ALPK2: variants seen among roughly 807,000 people sequenced by gnomAD.
ALPK2 encodes the protein alpha-protein kinase 2.
In ALPK2, 127 loss-of-function variants were observed where a neutral mutation model predicts 163.1. The ratio of observed to expected loss-of-function variants is 0.78; its 90% CI spans 0.67 to 0.90. ALPK2 has a LOEUF of 0.90. ALPK2 is among the 40% of genes least tolerant of loss of function. The pLI is 0.00. For synonymous variants in ALPK2, 953 were observed against 959.1 expected (o/e 0.99, Z 0.12); for missense variants, 2,360 against 2,589.6 (o/e 0.91, Z 1.92).
At chr18:58,613,419 G>T (rs1340462554) in intron 1 of ALPK2, among the ~76,000 whole-genome samples, 1 of 152,160 alleles carries the variant, frequency 6.6e-6, no homozygotes, top group Admixed American at 6.5e-5. Context: ...ACCTGGCCCG[G>T]CATGGTGGCT....
chr18:58,537,773 T>A lies in ALPK2; in HGVS notation c.2414A>T (p.Glu805Val). ...TCCTTGGTCACCAGCCTCAAAACAC[T>A]CCATTGCACACACTGCTTCTCTGTC... ...PRDREAVCAM[E>V]CFEAGDQGTC... The change falls in exon 5 of 13, where the codon GAG (glutamate) becomes GTG (valine). Residue 805 changes from glutamate (E) to valine (V), a missense_variant. Glu to Val is a moderately radical substitution (Grantham distance 121). Transcript: ENST00000361673. The A allele has an allele frequency of 6.2e-7, 1 of 1,614,116 alleles. No individual in the cohort carries two copies. The highest frequency in any genetic ancestry group is 8.5e-7 in the Non-Finnish European group (1 of 1,180,004).
In ALPK2 at chr18:58,580,407, C is replaced by A. The variant is rs774741451; in HGVS notation, c.369G>T (p.Arg123Ser). The A allele has an allele frequency of 6.2e-6, 10 of 1,614,140 alleles. No homozygotes were observed. The South Asian group carries it at 9.9e-5, about 16-fold the overall frequency. Residue 123 changes from arginine (R) to serine (S), a missense_variant, in exon 4 of 13, where the codon AGG becomes AGT. By Grantham distance (110) the Arg-to-Ser change is moderately radical (BLOSUM62 -1). Coordinates refer to ENST00000361673, the MANE Select transcript of ALPK2 (RefSeq NM_052947.4). Reference protein sequence around the residue: ...LSPNLEDDRDRGWKHETGTHE... With the variant: ...LSPNLEDDRDSGWKHETGTHE... ...GTGTCCCTGTTTCATGTTTCCAACC[C>A]CTGTCCCTGTCATCTTCCAGGTTAG...
intron 12 of ALPK2, among the ~76,000 whole-genome samples, chr18:58,483,130 C>G (rs2144091175): frequency 6.6e-6 from 1 of 152,304 alleles, no homozygotes; most frequent in East Asian, 1.9e-4. Flanking sequence ...GTCCAAGGGT[C>G]CTCCTTGTCA....
At chr18:58,533,248 G>A (rs1253790569) in intron 5 of ALPK2, among the ~76,000 whole-genome samples, 1 of 152,078 alleles carries the variant, frequency 6.6e-6, no homozygotes, top group Non-Finnish European at 1.5e-5. Context: ...CTGCCTATCT[G>A]GACAGTCCTC....
At position 58,536,647 on chromosome 18, in the gene ALPK2, C is replaced by CCT. The variant is rs773956833; in HGVS notation, c.3538_3539dup (p.Glu1181GlyfsTer29). 6.2e-7 allele frequency: 1 copy of CCT among 1,614,192 alleles called. No individual in the cohort carries two copies. Among genetic ancestry groups the CCT allele is most frequent in the Non-Finnish European group, 8.5e-7 (1 of 1,180,026 alleles). On this transcript the variant is annotated frameshift_variant, in exon 5 of 13. Transcript: ENST00000361673. ...AACCTGAGCGCTGCCCTGCTCCTTC[C>CCT]CTAGAGCTTGCGGGTGAGTGGGCCG... is the stretch of plus-strand genomic sequence containing the variant.
chr18:58,519,835 C>A (rs1322160997), intron 8 of ALPK2, among the ~76,000 whole-genome samples: 3 of 152,206 alleles, frequency 2.0e-5, no homozygotes, highest in Non-Finnish European at 2.9e-5. Context: ...CCAAAACTGT[C>A]TTCCTCAGCG....
At chr18:58,489,071 C>T (rs919430927) in intron 12 of ALPK2, among the ~76,000 whole-genome samples, 2 of 152,100 alleles carry the variant, frequency 1.3e-5, no homozygotes, top group African/African-American at 2.4e-5. Flanking sequence ...CACATCTCAG[C>T]GGGAGGAAGT....
At chr18:58,529,305 A>C in intron 5 of ALPK2, 67 bp from the exon 6 acceptor site, 318 of 1,423,020 alleles carry the variant, frequency 2.2e-4, no homozygotes, top group Non-Finnish European at 2.8e-4. Flanking sequence ...TTTAATTCTC[A>C]TAACAATCCT....
At chr18:58,543,467 T>C (rs1380460566) in intron 4 of ALPK2, 2 of 911,238 alleles carry the variant, frequency 2.2e-6, no homozygotes, top group African/African-American at 1.8e-5. Flanking sequence ...CATGCGGGGC[T>C]CTGGGTTCCA....
rs750297453 is a variant in ALPK2, at chr18:58,535,263, GT to G, written c.4923del (p.Lys1641AsnfsTer22). The G allele has an allele frequency of 6.2e-7, 1 of 1,614,106 alleles. No homozygotes were observed. The highest frequency in any genetic ancestry group is 2.2e-5 in the East Asian group (1 of 44,888). On this transcript the variant is annotated frameshift_variant, in exon 5 of 13. Transcript: ENST00000361673. ...KIEVLQIGET[K>X]PPSSSSSSAK... ...GCTGAGGAGCTAGATGAGCTTGGGG[GT>G]TTGGTTTCCCCAATTTGAAGCACCT...
chr18:58,517,303 G>A, intron 8 of ALPK2, 121 bp from the exon 9 acceptor site: 1 of 1,004,068 alleles, frequency 1.0e-6, no homozygotes, highest in Middle Eastern at 2.1e-4. Context: ...GAACCAAGAG[G>A]GGGCAGACAC....
At chr18:58,612,177 G>A (rs1024475333) in intron 1 of ALPK2, among the ~76,000 whole-genome samples, 2 of 152,280 alleles carry the variant, frequency 1.3e-5, no homozygotes, top group Admixed American at 6.5e-5. Flanking sequence ...ATTGTCCTAG[G>A]CAGACCCCAG....
chr18:58,557,296 C>T (rs916455890), intron 4 of ALPK2: 1 of 152,186 alleles, frequency 6.6e-6, no homozygotes, highest in African/African-American at 2.4e-5. Context: ...CACTGCCATA[C>T]AGGAAGCCGC....
chr18:58,600,816 G>T (rs1328472369), intron 3 of ALPK2: 2 of 152,244 alleles, frequency 1.3e-5, no homozygotes, highest in Non-Finnish European at 2.9e-5. Context: ...TGAAATTTCA[G>T]TGTCTGTTTC....
chr18:58,490,297 G>A (rs1209994759), intron 12 of ALPK2, among the ~76,000 whole-genome samples: 1 of 152,176 alleles, frequency 6.6e-6, no homozygotes, highest in Non-Finnish European at 1.5e-5. Flanking sequence ...CTTGGGGCAG[G>A]TAACCTTCAG....
intron 3 of ALPK2, among the ~76,000 whole-genome samples, chr18:58,592,228 G>T (rs1225833491): frequency 6.6e-6 from 1 of 152,026 alleles, no homozygotes; most frequent in African/African-American, 2.4e-5. Flanking sequence ...AGGGAAACAA[G>T]AAATTAGTAG....
intron 1 of ALPK2, among the ~76,000 whole-genome samples, chr18:58,624,149 A>G (rs1361013320): frequency 2.6e-5 from 4 of 152,200 alleles, no homozygotes; most frequent in African/African-American, 9.7e-5. Context: ...GTCATTAACC[A>G]AAGTTTAAGC....
In ALPK2 at chr18:58,536,152, AG is replaced by A; in HGVS notation, c.4034del (p.Pro1345LeufsTer2). 6.2e-7 allele frequency: 1 copy of A among 1,614,088 alleles called. No homozygotes were observed. Among genetic ancestry groups the A allele is most frequent in the Non-Finnish European group, 8.5e-7 (1 of 1,180,000 alleles). On this transcript the variant is annotated frameshift_variant, in exon 5 of 13. Transcript: ENST00000361673. ...QPRLLESSVD[P>X]VDEKELSVTD... ...TGACAGATAACTCCTTTTCATCTAC[AG>A]GGTCCACGGATGACTCCAGGAGTCT...
At chr18:58,533,831 T>G (rs1421501166) in intron 5 of ALPK2, among the ~76,000 whole-genome samples, 1 of 152,182 alleles carries the variant, frequency 6.6e-6, no homozygotes, top group Non-Finnish European at 1.5e-5. Flanking sequence ...AGAAGGCAGT[T>G]TTGTCTTTAA....
Sources: gnomAD v4.1 joint callset for allele counts (sites outside exome capture counted in the v4.1 genomes callset) on GRCh38, gnomAD v4.1.1 for gene constraint, MANE v1.5 for transcripts, NCBI Gene and HGNC (gene_info 2026-07-23, HGNC 2026-07-21) for gene names.